Variants in JADE3 observed in about 807,000 individuals in gnomAD.
JADE3 encodes the protein protein Jade-3.
A neutral mutation model predicts 50.1 loss-of-function variants in JADE3; 2 were observed. That is an observed-to-expected ratio of 0.04 (90% CI 0.02 to 0.13). The LOEUF (loss-of-function observed/expected upper bound fraction) is 0.13, where lower values mean the gene tolerates loss of function less well. Ranked by LOEUF, JADE3 falls within the 10% of genes least tolerant of loss-of-function variation. The probability of loss-of-function intolerance (pLI) is 1.00; values close to 1 mark genes in which losing one functional copy is unlikely to be tolerated. For missense variants in JADE3, 475 were observed against 634.4 expected (o/e 0.75, Z 2.70); for synonymous variants, 218 against 232.9 (o/e 0.94, Z 0.58).
intron 4 of JADE3, among the ~76,000 whole-genome samples, chrX:46,998,785 C>T (rs1354808806): frequency 4.5e-5 from 5 of 110,929 alleles, no homozygotes; most frequent in Non-Finnish European, 9.4e-5. Flanking sequence ...CTCTGCCTCC[C>T]GGGTTCAAGA....
intron 8 of JADE3, among the ~76,000 whole-genome samples, chrX:47,053,392 G>A (rs1556372666): frequency 9.0e-6 from 1 of 110,913 alleles, no homozygotes; most frequent in African/African-American, 3.3e-5. Context: ...CCAAGTAGCT[G>A]GGACTACAGA....
chrX:46,981,961 G>A (rs782064558), intron 1 of JADE3, among the ~76,000 whole-genome samples: 1 of 110,850 alleles, frequency 9.0e-6, no homozygotes, highest in South Asian at 3.8e-4. Context: ...ATCTCTTTCT[G>A]GATCTCTTTG....
intron 1 of JADE3, among the ~76,000 whole-genome samples, chrX:46,975,678 C>T (rs189182295): frequency 1.3e-3 from 134 of 99,535 alleles, no homozygotes; most frequent in African/African-American, 4.6e-3. Context: ...AATCATTTTC[C>T]GTGTTTCAAA....
chrX:46,936,681 A>G (rs191071393), intron 1 of JADE3, among the ~76,000 whole-genome samples: 76 of 111,279 alleles, frequency 6.8e-4, no homozygotes, highest in African/African-American at 2.3e-3. Flanking sequence ...TTTATTTTCA[A>G]TGAGTTTTAG....
At chrX:46,921,194 A>G (rs1293626118) in intron 1 of JADE3, among the ~76,000 whole-genome samples, 1 of 111,881 alleles carries the variant, frequency 8.9e-6, no homozygotes, top group African/African-American at 3.3e-5. Flanking sequence ...CTCCTGCCTC[A>G]GCGTCTTGAG....
At chrX:47,054,012 G>A (rs1415237906) in intron 8 of JADE3, 146 bp from the exon 9 acceptor site, 2 of 407,047 alleles carry the variant, frequency 4.9e-6, no homozygotes, top group Non-Finnish European at 8.4e-6. Context: ...TGGGTTACTT[G>A]TAAAGCATCT....
At chrX:46,964,622 T>C (rs1256661598) in intron 1 of JADE3, among the ~76,000 whole-genome samples, 5 of 112,228 alleles carry the variant, frequency 4.5e-5, no homozygotes, top group Non-Finnish European at 7.5e-5. Context: ...TCTGAATTCC[T>C]GACCCACAAA....
intron 4 of JADE3, among the ~76,000 whole-genome samples, chrX:47,012,232 C>G (rs1266112798): frequency 9.0e-6 from 1 of 111,172 alleles, no homozygotes; most frequent in Non-Finnish European, 1.9e-5. Flanking sequence ...AATATTTTCT[C>G]CCATTCTATT....
intron 1 of JADE3, among the ~76,000 whole-genome samples, chrX:46,978,669 A>G (rs1556352159): frequency 9.0e-6 from 1 of 111,559 alleles, no homozygotes; most frequent in East Asian, 2.8e-4. Flanking sequence ...TGGGCCTCGC[A>G]AGCCATGCTG....
At position 47,058,865 on chromosome X, in the gene JADE3, C is replaced by T. The variant is rs149868129; in HGVS notation, c.2260C>T (p.Arg754Trp). The T allele has an allele frequency of 1.9e-5, 23 of 1,208,405 alleles. No homozygotes were observed. The highest frequency in any genetic ancestry group is 2.6e-5 in the Non-Finnish European group (23 of 894,173). The change falls in exon 11 of 11, where the codon CGG becomes TGG. Residue 754 changes from arginine (R) to tryptophan (W), a missense_variant. Around this residue, in one of 6 missense-constraint regions of JADE3, gnomAD observed 243 missense variants for 238.2 expected, o/e 1.02. Coordinates refer to ENST00000614628, the MANE Select transcript of JADE3 (RefSeq NM_014735.5). ...EQFWGRQVLRRSAGRAPYQEN... is the reference protein window; with the variant it reads ...EQFWGRQVLRWSAGRAPYQEN... ...GTTCTGGGGTAGACAGGTTCTCAGGCGGTCTGCAGGGAGAGCTCCATATCA... is the reference window on the plus strand; with the variant it reads ...GTTCTGGGGTAGACAGGTTCTCAGGTGGTCTGCAGGGAGAGCTCCATATCA...
chrX:46,968,040 T>C (rs782512882), intron 1 of JADE3, among the ~76,000 whole-genome samples: 10 of 111,400 alleles, frequency 9.0e-5, no homozygotes, highest in South Asian at 3.8e-4. Flanking sequence ...AGATAGGGGG[T>C]CAGCCTCCCA....
chrX:47,019,967 C>T (rs1282024433), intron 4 of JADE3, among the ~76,000 whole-genome samples: 2 of 112,381 alleles, frequency 1.8e-5, no homozygotes, highest in Non-Finnish European at 3.8e-5. Context: ...GTTACCTCAT[C>T]CTAACAAAAT....
chrX:46,921,946 T>A (rs985708137), intron 1 of JADE3, among the ~76,000 whole-genome samples: 53 of 107,742 alleles, frequency 4.9e-4, no homozygotes, highest in African/African-American at 1.8e-3. Context: ...ATACCTTAAG[T>A]TCTGGGATAC....
chrX:46,967,260 T>TAGGAAAG (rs1300903049), intron 1 of JADE3, among the ~76,000 whole-genome samples: 1 of 112,010 alleles, frequency 8.9e-6, no homozygotes, highest in African/African-American at 3.2e-5. Flanking sequence ...TCCAGGAAAG[T>TAGGAAAG]TTCATCACAT....
chrX:47,003,819 ATTATAAATTTATATATAT>A (rs1402621275), intron 4 of JADE3, among the ~76,000 whole-genome samples: 6 of 101,276 alleles, frequency 5.9e-5, no homozygotes, highest in African/African-American at 1.8e-4. Context: ...ATACACCAAA[ATTATAAATTTATATATAT>A]TTATAAATTT....
intron 4 of JADE3, among the ~76,000 whole-genome samples, chrX:47,016,692 T>G (rs966202890): frequency 9.1e-6 from 1 of 109,659 alleles, no homozygotes; most frequent in Admixed American, 9.8e-5. Context: ...TTTGTCTTTT[T>G]TTTTTTTTTT....
chrX:47,015,355 G>C, intron 4 of JADE3, among the ~76,000 whole-genome samples: 1 of 111,691 alleles, frequency 9.0e-6, no homozygotes, highest in African/African-American at 3.2e-5. Flanking sequence ...GCCAAGGTGA[G>C]TGGATCGCTT....
intron 1 of JADE3, among the ~76,000 whole-genome samples, chrX:46,934,329 C>G (rs1429064790): frequency 2.9e-5 from 3 of 104,538 alleles, no homozygotes; most frequent in South Asian, 4.5e-4. Context: ...GACGGAGTCT[C>G]CCTCTGTCAC....
At position 47,054,213 on chromosome X, in the gene JADE3, G is replaced by A; in HGVS notation, c.1028G>A (p.Gly343Asp). 1 of 1,210,030 alleles carries A rather than the reference G, an allele frequency of 8.3e-7. No homozygotes were observed. Among genetic ancestry groups the A allele is most frequent in the Non-Finnish European group, 1.1e-6 (1 of 894,851 alleles). The change falls in exon 9 of 11, where the codon GGC (glycine) becomes GAC (aspartate). Residue 343 changes from glycine (G) to aspartate (D), a missense_variant. Gly to Asp is a moderately conservative substitution (Grantham distance 94). This residue lies in a region of JADE3 where 81 missense variants were observed against 123.8 expected (regional missense o/e 0.65). Coordinates refer to ENST00000614628, the MANE Select transcript of JADE3 (RefSeq NM_014735.5). ...AFHVTCAFEHGLEMKTILDEG... is the reference protein window; with the variant it reads ...AFHVTCAFEHDLEMKTILDEG... ...CACGTCACCTGTGCCTTTGAGCACG[G>A]CCTAGAGATGAAGACCATCCTAGAT...
Sources: gnomAD v4.1 joint callset for allele counts (sites outside exome capture counted in the v4.1 genomes callset) on GRCh38, gnomAD v4.1.1 for gene constraint, gnomAD v4.1.1 regional missense constraint, MANE v1.5 for transcripts, NCBI Gene and HGNC (gene_info 2026-07-23, HGNC 2026-07-21) for gene names.